The following MYOF variants were observed in gnomAD, a reference collection of about 807,000 sequenced individuals.
The protein encoded by MYOF is fer-1-like 3, myoferlin.
A neutral mutation model predicts 284.2 loss-of-function variants in MYOF; 244 were observed. The ratio of observed to expected loss-of-function variants is 0.86; its 90% CI spans 0.77 to 0.95. The LOEUF is 0.95. Ranked by LOEUF, MYOF falls within the 40% of genes least tolerant of loss-of-function variation. MYOF has a pLI of 0.00. For missense variants in MYOF, 2,496 were observed against 2,560.6 expected, an observed-to-expected ratio of 0.97 and a Z score of 0.54; for synonymous variants, 904 against 919.7, an observed-to-expected ratio of 0.98 and a Z score of 0.31.
intron 53 of MYOF, among the ~76,000 whole-genome samples, chr10:93,307,669 G>A (rs1055960958): frequency 3.3e-5 from 5 of 150,028 alleles, no homozygotes; most frequent in Non-Finnish European, 4.4e-5. Context: ...TTGTCACCCA[G>A]GGTGGAGTGC....
In MYOF at chr10:93,306,558, T is replaced by C. The variant is rs2133681685; in HGVS notation, c.*405A>G. 1 of 177,384 alleles carries C rather than the reference T, an allele frequency of 5.6e-6. No homozygotes were observed. Among genetic ancestry groups the C allele is most frequent in the African/African-American group, 2.4e-5 (1 of 42,122 alleles). The allele number at this position is 177,384 out of a possible 1,614,324, so 11.0% of individuals were successfully genotyped here. A position where few individuals can be genotyped will look rare whatever the true frequency, so the allele number is the denominator to read the frequency against. On this transcript the variant is annotated 3_prime_UTR_variant, in exon 54 of 54. Transcript: ENST00000359263. ...CTAACTATTCTAACTGATTTTATAA[T>C]GCACAGCTCTTTCAGTTGATTACAA...
intron 50 of MYOF, among the ~76,000 whole-genome samples, chr10:93,315,113 T>A (rs923988684): frequency 6.6e-6 from 1 of 152,222 alleles, no homozygotes; most frequent in Non-Finnish European, 1.5e-5. Flanking sequence ...ATACTTTATG[T>A]AAGCCTACTT....
intron 1 of MYOF, among the ~76,000 whole-genome samples, chr10:93,481,250 G>C (rs948438567): frequency 3.3e-5 from 5 of 152,124 alleles, no homozygotes; most frequent in African/African-American, 4.8e-5. Flanking sequence ...ACCCAGGCTG[G>C]AGTGCAGTGG....
At chr10:93,400,642 T>C (rs950623124) in intron 12 of MYOF, among the ~76,000 whole-genome samples, 2 of 152,032 alleles carry the variant, frequency 1.3e-5, no homozygotes, top group Admixed American at 1.3e-4. Flanking sequence ...GGGTCCCATG[T>C]CCCAGAGCCC....
chr10:93,443,030 C>T (rs995845014), intron 3 of MYOF, among the ~76,000 whole-genome samples: 6 of 152,128 alleles, frequency 3.9e-5, no homozygotes, highest in African/African-American at 9.7e-5. Context: ...GGCATGGTGG[C>T]GTGTGCCTGT....
chr10:93,321,697 T>C (rs1403118522), intron 48 of MYOF, among the ~76,000 whole-genome samples: 6 of 150,088 alleles, frequency 4.0e-5, no homozygotes, highest in African/African-American at 5.1e-5. Context: ...GCTCTTCCTC[T>C]CTTTTTTTGG....
rs969658025 is a variant in MYOF at position 93,401,470 on chromosome 10, G to T, written c.1065C>A (p.Leu355=). Residue 355 remains leucine (L), a synonymous_variant, in exon 12 of 54, where the codon CTC becomes CTA. Coordinates refer to ENST00000359263, the MANE Select transcript of MYOF (RefSeq NM_013451.4). ...SNLLLPAGIA[L]RWVTFLLKIY... ...TTTTCAGCAAGAAGGTCACCCACCG[G>T]AGGGCAATGCCAGCAGGGAGTAACA... The T allele has an allele frequency of 6.2e-7, 1 of 1,614,032 alleles. No homozygotes were observed. The highest frequency in any genetic ancestry group is 8.5e-7 in the Non-Finnish European group (1 of 1,180,038).
intron 4 of MYOF, among the ~76,000 whole-genome samples, chr10:93,427,526 G>A (rs1328171346): frequency 1.4e-4 from 8 of 55,934 alleles, no homozygotes; most frequent in Middle Eastern, 0.015. Context: ...GCTAGACTCC[G>A]TCTCAAAAAA....
chr10:93,378,093 G>A (rs1041344772), intron 21 of MYOF, among the ~76,000 whole-genome samples: 23 of 152,196 alleles, frequency 1.5e-4, no homozygotes, highest in South Asian at 2.1e-4. Context: ...AAAGGAAAAA[G>A]CTGCTTGGAG....
At chr10:93,414,731 T>C (rs1309314501) in intron 5 of MYOF, among the ~76,000 whole-genome samples, 1 of 151,980 alleles carries the variant, frequency 6.6e-6, no homozygotes, top group Non-Finnish European at 1.5e-5. Flanking sequence ...TGTGGTTTTG[T>C]GTTTTTGTTT....
Position 93,474,948 on chromosome 10 carries a change from C to T in MYOF, c.88+7159G>A, listed in dbSNP as rs536944968. 2.0e-5 allele frequency among the ~76,000 whole-genome samples: 3 copies of T among 152,258 alleles called. 1 individual carries two copies. The East Asian group carries it at 5.8e-4, about 29-fold the overall frequency. On this transcript the variant is annotated intron_variant, in intron 1 of 53. Transcript: ENST00000359263. ...ATTTTTAGTAGAGACAGGGATTCAC[C>T]ATGCTGGCCAGGCTGGTCTTGAACT...
At chr10:93,476,354 C>G (rs1022501686) in intron 1 of MYOF, among the ~76,000 whole-genome samples, 1 of 145,694 alleles carries the variant, frequency 6.9e-6, no homozygotes. Flanking sequence ...CAGGTCCAAG[C>G]GATTCTCCTG....
At chr10:93,442,964 G>C (rs1490852887) in intron 3 of MYOF, among the ~76,000 whole-genome samples, 1 of 152,088 alleles carries the variant, frequency 6.6e-6, no homozygotes, top group African/African-American at 2.4e-5. Flanking sequence ...TTCGAGACCA[G>C]CCTGGCCAAA....
At chr10:93,428,161 T>C (rs1023345910) in intron 4 of MYOF, among the ~76,000 whole-genome samples, 1 of 151,076 alleles carries the variant, frequency 6.6e-6, no homozygotes, top group Non-Finnish European at 1.5e-5. Flanking sequence ...ATTTAGGACA[T>C]AGTTACACTG....
At chr10:93,339,367 T>TTGTGTGTGGG (rs1843770937) in intron 39 of MYOF, among the ~76,000 whole-genome samples, 1 of 150,226 alleles carries the variant, frequency 6.7e-6, no homozygotes. Flanking sequence ...TGCTTCTTAT[T>TTGTGTGTGGG]TGTGTGTGTG....
chr10:93,342,152 G>C (rs1843951617), intron 38 of MYOF, among the ~76,000 whole-genome samples: 1 of 152,172 alleles, frequency 6.6e-6, no homozygotes, highest in Admixed American at 6.5e-5. Flanking sequence ...GTGTGACACT[G>C]TCACTCAGAG....
intron 1 of MYOF, among the ~76,000 whole-genome samples, chr10:93,462,404 C>A (rs748394624): frequency 6.6e-6 from 1 of 152,072 alleles, no homozygotes; most frequent in African/African-American, 2.4e-5. Flanking sequence ...TTCATTGAAT[C>A]CTCCTGGCAA....
chr10:93,439,499 T>G (rs1342686468), intron 3 of MYOF, among the ~76,000 whole-genome samples: 1 of 152,216 alleles, frequency 6.6e-6, no homozygotes, highest in Non-Finnish European at 1.5e-5. Context: ...CATCCATTTA[T>G]TCACTCTTTC....
In MYOF at chr10:93,335,951, A is replaced by G; in HGVS notation, c.4533T>C (p.Asn1511=). 1 of 1,614,196 alleles carries G rather than the reference A, an allele frequency of 6.2e-7. No homozygotes were observed. Among genetic ancestry groups the G allele is most frequent in the South Asian group, 1.1e-5 (1 of 91,088 alleles). Residue 1511 remains asparagine (N), a synonymous_variant, in exon 41 of 54, where the codon AAT becomes AAC. Transcript: ENST00000359263. ...ACTCTCCAACCACAGAAGGATCTTC[A>G]TTTTCATCCGACTTGCCTCGGTACA... is the stretch of plus-strand genomic sequence containing the variant. ...FKLYRGKSDE[N]EDPSVVGEFK... is the part of the protein sequence containing the mutation.
Sources: allele counts gnomAD v4.1 joint callset (sites outside exome capture counted in the v4.1 genomes callset), GRCh38; gene constraint gnomAD v4.1.1; transcripts MANE v1.5; gene names NCBI Gene and HGNC (gene_info 2026-07-23, HGNC 2026-07-21).